Variants in ESRRG observed in about 807,000 individuals in gnomAD.
ESRRG encodes estrogen-related receptor gamma.
ESRRG carries 13 observed loss-of-function variants against 44.0 expected under a neutral mutation model. That is an observed-to-expected ratio of 0.30 (90% CI 0.19 to 0.47). The LOEUF is 0.47. Among genes scored for constraint, ESRRG ranks in the 20% least tolerant of loss-of-function variants. The pLI is 1.00. For missense variants in ESRRG, 395 were observed against 580.6 expected (o/e 0.68, Z 3.29); for synonymous variants, 215 against 214.6 (o/e 1.00, Z -0.02).
At chr1:217,095,623 G>A (rs1280000017) in intron 1 of ESRRG, among the ~76,000 whole-genome samples, 2 of 152,184 alleles carry the variant, frequency 1.3e-5, no homozygotes, top group Non-Finnish European at 2.9e-5. Flanking sequence ...AAAATGGTAG[G>A]ATATTAAACA....
At chr1:217,027,386 G>A (rs961819324) in intron 1 of ESRRG, among the ~76,000 whole-genome samples, 2 of 152,036 alleles carry the variant, frequency 1.3e-5, no homozygotes, top group Non-Finnish European at 2.9e-5. Context: ...CTAGTTCTTC[G>A]TTACATGCAT....
chr1:216,637,939 T>C (rs987005976), intron 3 of ESRRG, among the ~76,000 whole-genome samples: 10 of 152,160 alleles, frequency 6.6e-5, no homozygotes, highest in African/African-American at 2.4e-4. Context: ...AAAATCATTA[T>C]TTATGAAAAA....
intron 1 of ESRRG, among the ~76,000 whole-genome samples, chr1:216,716,693 A>G (rs2084951225): frequency 1.3e-5 from 2 of 151,956 alleles, no homozygotes; most frequent in African/African-American, 4.8e-5. Flanking sequence ...TGTACTTTTC[A>G]GTTCTTCTTT....
At chr1:217,123,792 G>A (rs750041425) in intron 1 of ESRRG, among the ~76,000 whole-genome samples, 1 of 152,126 alleles carries the variant, frequency 6.6e-6, no homozygotes, top group African/African-American at 2.4e-5. Flanking sequence ...AGGGAAAAGA[G>A]CTAATGCATG....
intron 2 of ESRRG, among the ~76,000 whole-genome samples, chr1:216,732,994 T>A (rs1333839491): frequency 6.6e-6 from 1 of 151,686 alleles, no homozygotes; most frequent in Non-Finnish European, 1.5e-5. Flanking sequence ...TTCTAGGATA[T>A]CTGAGCTAAG....
chr1:216,692,312 ATGTGTG>A (rs56856888), intron 1 of ESRRG, among the ~76,000 whole-genome samples: 61,999 of 147,324 alleles, frequency 0.42, 13,032 homozygotes, highest in South Asian at 0.53. Context: ...AGGCTAGTGT[ATGTGTG>A]TGTGTGTGTG....
intron 2 of ESRRG, among the ~76,000 whole-genome samples, chr1:216,776,328 T>G (rs953788927): frequency 3.2e-4 from 48 of 152,202 alleles, no homozygotes; most frequent in African/African-American, 8.9e-4. Context: ...ACATTTTCCC[T>G]GACTTAACCT....
At chr1:216,866,598 G>T (rs998108981) in intron 2 of ESRRG, among the ~76,000 whole-genome samples, 3 of 149,694 alleles carry the variant, frequency 2.0e-5, no homozygotes, top group Non-Finnish European at 4.4e-5. Flanking sequence ...TTGAGATAGG[G>T]TCTTACTCCA....
At chr1:217,120,564 C>A (rs754865549) in intron 1 of ESRRG, among the ~76,000 whole-genome samples, 1 of 152,048 alleles carries the variant, frequency 6.6e-6, no homozygotes, top group Non-Finnish European at 1.5e-5. Flanking sequence ...TGACTTATGA[C>A]GTTCTTCAGC....
intron 2 of ESRRG, among the ~76,000 whole-genome samples, chr1:216,728,857 A>T (rs766381223): frequency 6.6e-6 from 1 of 152,068 alleles, no homozygotes; most frequent in African/African-American, 2.4e-5. Flanking sequence ...AAAGAGTTAT[A>T]CTTTTTCTGA....
At chr1:216,768,442 A>G (rs1295392629) in intron 2 of ESRRG, among the ~76,000 whole-genome samples, 2 of 146,666 alleles carry the variant, frequency 1.4e-5, no homozygotes, top group Non-Finnish European at 3.0e-5. Context: ...AGATAGATCT[A>G]TCTATCATTA....
chr1:216,553,312 A>G (rs2056836390), intron 5 of ESRRG, among the ~76,000 whole-genome samples: 1 of 152,158 alleles, frequency 6.6e-6, no homozygotes, highest in Non-Finnish European at 1.5e-5. Flanking sequence ...AGCCTCCCTC[A>G]TACAGAGAGG....
intron 2 of ESRRG, among the ~76,000 whole-genome samples, chr1:216,669,534 C>T (rs924187394): frequency 6.6e-6 from 1 of 152,212 alleles, no homozygotes; most frequent in African/African-American, 2.4e-5. Flanking sequence ...AAAACTCAGA[C>T]ACAACTGGCA....
rs962368661 is a variant in ESRRG at position 216,643,139 on chromosome 1, G to A, written c.589+7834C>T. The stretch of plus-strand genomic sequence containing the variant: ...GCTGTGGTTCCAGCAAAACAGCTCT[G>A]GGATAATTTTTCTTTATATCCTGGA... On this transcript the variant is annotated intron_variant, in intron 3 of 6. Transcript: ENST00000408911. Among the ~76,000 whole-genome samples, 8 of 152,240 alleles carry A rather than the reference G, an allele frequency of 5.3e-5. No individual in the cohort carries two copies. The South Asian group carries it at 1.0e-3, about 20-fold the overall frequency.
chr1:217,124,396 C>T (rs2092862326), intron 1 of ESRRG, among the ~76,000 whole-genome samples: 1 of 152,172 alleles, frequency 6.6e-6, no homozygotes, highest in Non-Finnish European at 1.5e-5. Flanking sequence ...CATGAGGAAG[C>T]ATGTGTGGCA....
At chr1:216,524,951 G>A (rs1279271751) in intron 5 of ESRRG, among the ~76,000 whole-genome samples, 1 of 152,144 alleles carries the variant, frequency 6.6e-6, no homozygotes, top group African/African-American at 2.4e-5. Flanking sequence ...ATTTACAGGT[G>A]CAATTGACCA....
chr1:217,089,165 A>C (rs1488959807), intron 1 of ESRRG, among the ~76,000 whole-genome samples: 1 of 151,180 alleles, frequency 6.6e-6, no homozygotes, highest in East Asian at 1.9e-4. Flanking sequence ...CTCTGCCCTC[A>C]CTCTTTGCCA....
At chr1:216,845,495 G>C (rs986963678) in intron 2 of ESRRG, among the ~76,000 whole-genome samples, 2 of 152,150 alleles carry the variant, frequency 1.3e-5, no homozygotes, top group Non-Finnish European at 2.9e-5. Context: ...CTGAAGAAAA[G>C]TCTGGCTTAG....
chr1:217,010,524 G>C (rs544755514), intron 1 of ESRRG, among the ~76,000 whole-genome samples: 2 of 152,078 alleles, frequency 1.3e-5, no homozygotes, highest in Admixed American at 1.3e-4. Flanking sequence ...TGTGATTTGC[G>C]GGTGTATTTA....
Sources: gnomAD v4.1 joint callset for allele counts (sites outside exome capture counted in the v4.1 genomes callset) on GRCh38, gnomAD v4.1.1 for gene constraint, MANE v1.5 for transcripts, NCBI Gene and HGNC (gene_info 2026-07-23, HGNC 2026-07-21) for gene names.